Variants in HMGA2 observed in about 807,000 individuals in gnomAD.
HMGA2 encodes the protein high mobility group protein HMGI-C.
Under a neutral mutation model 19.1 loss-of-function variants are expected in HMGA2, and 8 were observed. The ratio of observed to expected loss-of-function variants is 0.42; its 90% CI spans 0.25 to 0.76. HMGA2 has a LOEUF of 0.76. Ranked by LOEUF, HMGA2 falls within the 30% of genes least tolerant of loss-of-function variation. The pLI, the probability that HMGA2 is intolerant of heterozygous loss-of-function variation, is 0.28. For missense variants in HMGA2, 109 were observed against 136.3 expected, an observed-to-expected ratio of 0.80 and a Z score of 1.00; for synonymous variants, 60 against 48.8, an observed-to-expected ratio of 1.23 and a Z score of -0.96.
In HMGA2 at chr12:65,825,254, C is replaced by A; in HGVS notation, c.-17C>A. The A allele has an allele frequency of 6.6e-7, 1 of 1,522,616 alleles. No homozygotes were observed. The highest frequency in any genetic ancestry group is 8.8e-7 in the Non-Finnish European group (1 of 1,139,182). The allele number at this position is 1,522,616 out of a possible 1,614,324, so 94.3% of individuals were successfully genotyped here. Reference sequence around the variant, plus strand: ...GGCGAAGCGGCTGCAGCGGCGGTAGCGGCGGCGGGAGGCAGGATGAGCGCA... The same window carrying A: ...GGCGAAGCGGCTGCAGCGGCGGTAGAGGCGGCGGGAGGCAGGATGAGCGCA... On this transcript the variant is annotated 5_prime_UTR_variant, in exon 1 of 5. Transcript: ENST00000403681. This position sits in a 1 kb window ranked among gnomAD's most constrained non-coding sequence, Gnocchi z 4.4.
intron 3 of HMGA2, among the ~76,000 whole-genome samples, chr12:65,918,204 A>G (rs557159219): frequency 6.6e-6 from 1 of 152,320 alleles, no homozygotes; most frequent in South Asian, 2.1e-4. Flanking sequence ...GATTTGAAAT[A>G]TGCTTCTCTG....
chr12:65,937,071 A>G (rs1019656187), intron 3 of HMGA2, among the ~76,000 whole-genome samples: 1 of 152,232 alleles, frequency 6.6e-6, no homozygotes, highest in Non-Finnish European at 1.5e-5. Context: ...TATCCTGGAA[A>G]GAGCAACTAC....
chr12:65,904,715 A>G (rs1404657765), intron 3 of HMGA2, among the ~76,000 whole-genome samples: 1 of 152,204 alleles, frequency 6.6e-6, no homozygotes. Flanking sequence ...AACATCCTAC[A>G]TATATATAAC....
chr12:65,888,462 A>G (rs1873754859), intron 3 of HMGA2, among the ~76,000 whole-genome samples: 1 of 151,046 alleles, frequency 6.6e-6, no homozygotes, highest in Admixed American at 6.7e-5. Flanking sequence ...CCCCCCCAAA[A>G]AAAGAAAGAA....
intron 3 of HMGA2, among the ~76,000 whole-genome samples, chr12:65,948,824 G>A (rs563708922): frequency 1.3e-4 from 20 of 152,298 alleles, no homozygotes; most frequent in Non-Finnish European, 2.6e-4. Context: ...CCTAATTCAT[G>A]GAAAATTGGG....
chr12:65,845,161 G>A (rs1015699875), intron 3 of HMGA2, among the ~76,000 whole-genome samples: 3 of 152,048 alleles, frequency 2.0e-5, no homozygotes, highest in Non-Finnish European at 2.9e-5. Flanking sequence ...AATATGCCAC[G>A]TTTTTTTAAC....
chr12:65,889,146 T>C (rs1873798591), intron 3 of HMGA2, among the ~76,000 whole-genome samples: 1 of 152,238 alleles, frequency 6.6e-6, no homozygotes, highest in African/African-American at 2.4e-5. Flanking sequence ...TCTCCTGAAC[T>C]TTATGACCCT....
intron 3 of HMGA2, among the ~76,000 whole-genome samples, chr12:65,918,525 A>C (rs1486472876): frequency 6.6e-6 from 1 of 152,188 alleles, no homozygotes; most frequent in Non-Finnish European, 1.5e-5. Context: ...ATTTTCAGAC[A>C]CTTTGTATGC....
intron 3 of HMGA2, among the ~76,000 whole-genome samples, chr12:65,884,946 A>G (rs963762999): frequency 8.5e-5 from 13 of 152,236 alleles, no homozygotes; most frequent in African/African-American, 2.9e-4. Flanking sequence ...AATTAATTGT[A>G]TTAATCACTT....
Position 65,842,345 on chromosome 12 carries a change from A to G in HMGA2, c.249+3776A>G. ...ATGGCACATAGGTAGTGCTCAGTAA[A>G]TGTTGGAAATTATGATTAATTTCAC... On this transcript the variant is annotated intron_variant, in intron 3 of 4. Coordinates refer to ENST00000403681, the MANE Select transcript of HMGA2 (RefSeq NM_003483.6). 4.9e-6 allele frequency: 3 copies of G among 608,868 alleles called. No homozygotes were observed. The South Asian group carries it at 5.6e-5, about 11-fold the overall frequency. 37.7% of individuals were successfully genotyped at this position (608,868 alleles called of 1,614,324 possible).
intron 3 of HMGA2, among the ~76,000 whole-genome samples, chr12:65,869,624 T>G (rs944833751): frequency 6.6e-6 from 1 of 152,250 alleles, no homozygotes; most frequent in African/African-American, 2.4e-5. Context: ...CATTTTATTC[T>G]GGTATATACC....
chr12:65,875,729 G>C (rs1467567195), intron 3 of HMGA2, among the ~76,000 whole-genome samples: 1 of 150,630 alleles, frequency 6.6e-6, no homozygotes, highest in Non-Finnish European at 1.5e-5. Context: ...GGGATTATAG[G>C]CGTAAGCCAC....
chr12:65,829,002 G>T (rs893537735), intron 2 of HMGA2: 1 of 152,182 alleles, frequency 6.6e-6, no homozygotes, highest in Non-Finnish European at 1.5e-5. Context: ...GTAGGTTTGT[G>T]TAGTAATTGA....
chr12:65,880,595 G>A (rs946037240), intron 3 of HMGA2, among the ~76,000 whole-genome samples: 11 of 152,178 alleles, frequency 7.2e-5, no homozygotes, highest in African/African-American at 2.4e-4. Context: ...CAGGTAGCAT[G>A]GAAGGATGAG....
intron 3 of HMGA2, among the ~76,000 whole-genome samples, chr12:65,843,892 T>A (rs1327525103): frequency 6.6e-6 from 1 of 151,744 alleles, no homozygotes; most frequent in Non-Finnish European, 1.5e-5. Context: ...CCATCAATAA[T>A]ACAAAAACTA....
chr12:65,963,277 T>A lies in HMGA2; in HGVS notation c.315T>A (p.Ser105=). The change falls in exon 5 of 5, where the codon TCT becomes TCA. Residue 105 remains serine, a synonymous_variant. Transcript: ENST00000403681. ...CTGAAGAGACATCCTCACAAGAGTCTGCCGAAGAGGACTAGGGGGCGCCAA... is the reference window on the plus strand; with the variant it reads ...CTGAAGAGACATCCTCACAAGAGTCAGCCGAAGAGGACTAGGGGGCGCCAA... ...EETEETSSQE[S]AEED is the part of the protein sequence containing the mutation. 1.2e-6 allele frequency: 2 copies of A among 1,613,758 alleles called. No individual in the cohort carries two copies. Among genetic ancestry groups the A allele is most frequent in the Non-Finnish European group, 1.7e-6 (2 of 1,179,832 alleles).
At chr12:65,952,462 G>C (rs529396138) in intron 4 of HMGA2, 5 of 1,531,480 alleles carry the variant, frequency 3.3e-6, no homozygotes, top group Admixed American at 2.0e-5. Context: ...CACATGAAAG[G>C]ATCCAAGGAA....
At chr12:65,889,012 G>C (rs1228724912) in intron 3 of HMGA2, among the ~76,000 whole-genome samples, 1 of 152,038 alleles carries the variant, frequency 6.6e-6, no homozygotes, top group Non-Finnish European at 1.5e-5. Flanking sequence ...TAGGAGGAAG[G>C]ATATATGCTT....
intron 3 of HMGA2, among the ~76,000 whole-genome samples, chr12:65,883,687 A>G (rs961355357): frequency 7.9e-5 from 12 of 152,146 alleles, no homozygotes; most frequent in African/African-American, 2.9e-4. Context: ...TGCTAAGGCC[A>G]CTTCTTTGAA....
Sources: allele counts gnomAD v4.1 joint callset (sites outside exome capture counted in the v4.1 genomes callset), GRCh38; gene constraint gnomAD v4.1.1; non-coding constraint Gnocchi (gnomAD v3.1); transcripts MANE v1.5; gene names NCBI Gene and HGNC (gene_info 2026-07-23, HGNC 2026-07-21).